The following CACNA2D3 variants were observed in gnomAD, a reference collection of about 807,000 sequenced individuals.
CACNA2D3 encodes calcium voltage-gated channel auxiliary subunit alpha2delta 3, also known as voltage-dependent calcium channel subunit alpha-2/delta-3.
CACNA2D3 carries 60 observed loss-of-function variants against 160.6 expected under a neutral mutation model. That is an observed-to-expected ratio of 0.37 (90% CI 0.30 to 0.46). The LOEUF (loss-of-function observed/expected upper bound fraction) is 0.46. Ranked by LOEUF, CACNA2D3 falls within the 20% of genes least tolerant of loss-of-function variation. The pLI is 1.00. For synonymous variants in CACNA2D3, 558 were observed against 492.9 expected, an observed-to-expected ratio of 1.13 and a Z score of -1.75; for missense variants, 1,205 against 1,365.0, an observed-to-expected ratio of 0.88 and a Z score of 1.85.
At chr3:54,789,719 A>G (rs1432210062) in intron 13 of CACNA2D3, 2 of 450,926 alleles carry the variant, frequency 4.4e-6, no homozygotes, top group East Asian at 7.0e-5. Flanking sequence ...TTCTAGGTAT[A>G]TGAGTTGTCA....
intron 2 of CACNA2D3, among the ~76,000 whole-genome samples, chr3:54,263,612 C>A (rs1354635817): frequency 2.0e-5 from 3 of 152,154 alleles, no homozygotes; most frequent in African/African-American, 7.2e-5. Context: ...ATCTATGAAG[C>A]AGTGTGTGAC....
chr3:54,558,047 G>A (rs917588398), intron 5 of CACNA2D3, among the ~76,000 whole-genome samples: 2 of 152,226 alleles, frequency 1.3e-5, no homozygotes, highest in African/African-American at 4.8e-5. Flanking sequence ...GGCTGCCGCT[G>A]GAAAGGTGTA....
intron 2 of CACNA2D3, among the ~76,000 whole-genome samples, chr3:54,132,536 A>C (rs1699733075): frequency 6.6e-6 from 1 of 152,216 alleles, no homozygotes; most frequent in Non-Finnish European, 1.5e-5. Context: ...TAATCTTTTG[A>C]AAAAGTCAAC....
intron 3 of CACNA2D3, among the ~76,000 whole-genome samples, chr3:54,366,635 G>A (rs1333426857): frequency 2.0e-5 from 3 of 152,166 alleles, no homozygotes; most frequent in Admixed American, 6.5e-5. Context: ...AAGTAGAGTA[G>A]GGTTTCTTTA....
intron 4 of CACNA2D3, among the ~76,000 whole-genome samples, chr3:54,478,357 G>C (rs1047805004): frequency 6.6e-6 from 1 of 151,988 alleles, no homozygotes; most frequent in African/African-American, 2.4e-5. Flanking sequence ...CTGCAGCCAG[G>C]CGCAGTGGCT....
intron 14 of CACNA2D3, among the ~76,000 whole-genome samples, chr3:54,830,728 T>G (rs1467392948): frequency 6.6e-6 from 1 of 152,098 alleles, no homozygotes; most frequent in African/African-American, 2.4e-5. Context: ...TTTGGCCACT[T>G]GGCCTCCCAA....
intron 2 of CACNA2D3, among the ~76,000 whole-genome samples, chr3:54,183,064 G>A (rs1700810308): frequency 6.6e-6 from 1 of 152,062 alleles, no homozygotes; most frequent in South Asian, 2.1e-4. Context: ...TGTCGTTTCT[G>A]AAGTTGACCT....
intron 13 of CACNA2D3, among the ~76,000 whole-genome samples, chr3:54,780,761 G>T (rs920993881): frequency 1.3e-5 from 2 of 152,124 alleles, no homozygotes. Context: ...TGAAGAAGAC[G>T]CTAAGAAATC....
rs369360451 is a variant in CACNA2D3, at chr3:54,867,114, C to A, written c.1627-4425C>A. 2.6e-5 allele frequency among the ~76,000 whole-genome samples: 4 copies of A among 152,278 alleles called. No individual in the cohort carries two copies. In the East Asian group the frequency reaches 7.7e-4, roughly 29 times the overall value. On this transcript the variant is annotated intron_variant, in intron 17 of 37. Transcript: ENST00000474759. ...TATAGATACACTAACAAATGCCATA[C>A]ACGATGCTTAGGCCCCGGTAACCAA...
At chr3:54,725,998 G>A (rs957861927) in intron 11 of CACNA2D3, among the ~76,000 whole-genome samples, 1 of 152,150 alleles carries the variant, frequency 6.6e-6, no homozygotes, top group Non-Finnish European at 1.5e-5. Flanking sequence ...TGACATGATT[G>A]TGTATTTAGA....
chr3:54,472,767 G>A (rs1252920111), intron 4 of CACNA2D3, among the ~76,000 whole-genome samples: 1 of 152,138 alleles, frequency 6.6e-6, no homozygotes, highest in African/African-American at 2.4e-5. Context: ...GCCAAATCAT[G>A]AGTGAACTCC....
chr3:54,133,662 C>A (rs959588360), intron 2 of CACNA2D3, among the ~76,000 whole-genome samples: 1 of 152,230 alleles, frequency 6.6e-6, no homozygotes, highest in Non-Finnish European at 1.5e-5. Context: ...TTCTATACTT[C>A]TCCCTTTTTG....
rs368005439 is a variant in CACNA2D3 at position 54,323,428 on chromosome 3, C to T, written c.321+2870C>T. Among the ~76,000 whole-genome samples the T allele has an allele frequency of 9.2e-5, 14 of 151,776 alleles. No homozygotes were observed. In the South Asian group the frequency reaches 1.7e-3, roughly 18 times the overall value. The stretch of plus-strand genomic sequence containing the variant: ...ACCCACTGGGCAGTGACCCTTCCCC[C>T]TCTTTTCTCTCCTTTCCTCTCCTCT... On this transcript the variant is annotated intron_variant, in intron 3 of 37. Transcript: ENST00000474759.
At chr3:54,831,666 A>G (rs1157699082) in intron 14 of CACNA2D3, among the ~76,000 whole-genome samples, 1 of 152,162 alleles carries the variant, frequency 6.6e-6, no homozygotes, top group African/African-American at 2.4e-5. Flanking sequence ...TGTGGGAAAG[A>G]TATGCAACCA....
At chr3:54,557,754 G>C (rs1356392597) in intron 5 of CACNA2D3, among the ~76,000 whole-genome samples, 1 of 152,176 alleles carries the variant, frequency 6.6e-6, no homozygotes. Context: ...GAAAAAGAAA[G>C]AGATCCATTT....
At chr3:54,190,832 C>G (rs1280238987) in intron 2 of CACNA2D3, among the ~76,000 whole-genome samples, 1 of 152,192 alleles carries the variant, frequency 6.6e-6, no homozygotes, top group Non-Finnish European at 1.5e-5. Context: ...GAGCTGAATT[C>G]TAATTCTGAC....
intron 14 of CACNA2D3, among the ~76,000 whole-genome samples, chr3:54,822,150 A>G (rs1387717503): frequency 6.6e-6 from 1 of 152,186 alleles, no homozygotes; most frequent in East Asian, 1.9e-4. Flanking sequence ...TTACTATTTT[A>G]TAGTAACATG....
At chr3:55,072,767 A>G (rs1704840485) in intron 35 of CACNA2D3, among the ~76,000 whole-genome samples, 3 of 152,178 alleles carry the variant, frequency 2.0e-5, no homozygotes, top group Admixed American at 6.5e-5. Flanking sequence ...ATGTTGGGCA[A>G]TGTGAGAAGG....
At chr3:54,824,809 ATATTAT>A (rs1438894752) in intron 14 of CACNA2D3, among the ~76,000 whole-genome samples, 5 of 152,226 alleles carry the variant, frequency 3.3e-5, no homozygotes, top group Non-Finnish European at 5.9e-5. Flanking sequence ...AGGGACAGTA[ATATTAT>A]TAATAATGCT....
Sources: allele counts gnomAD v4.1 joint callset (sites outside exome capture counted in the v4.1 genomes callset), GRCh38; gene constraint gnomAD v4.1.1; transcripts MANE v1.5; gene names NCBI Gene and HGNC (gene_info 2026-07-23, HGNC 2026-07-21).